Variants in FGD6 observed in about 807,000 individuals in gnomAD.
The protein encoded by FGD6 is FYVE, RhoGEF and PH domain containing 6.
A neutral mutation model predicts 149.4 loss-of-function variants in FGD6; 90 were observed. The ratio of observed to expected loss-of-function variants is 0.60; its 90% CI spans 0.51 to 0.72. The LOEUF (loss-of-function observed/expected upper bound fraction) is 0.72, where lower values mean the gene tolerates loss of function less well. FGD6 is among the 30% of genes least tolerant of loss of function. FGD6 has a pLI of 0.00. For missense variants in FGD6, 1,437 were observed against 1,684.8 expected (o/e 0.85, Z 2.57); for synonymous variants, 527 against 584.0 (o/e 0.90, Z 1.41).
intron 9 of FGD6, among the ~76,000 whole-genome samples, chr12:95,112,607 A>G (rs1878864763): frequency 6.6e-6 from 1 of 152,206 alleles, no homozygotes; most frequent in South Asian, 2.1e-4. Context: ...CTCAAACAAA[A>G]AAAGAACAAG....
intron 3 of FGD6, among the ~76,000 whole-genome samples, chr12:95,168,243 G>GTAAA (rs1174888179): frequency 6.6e-6 from 1 of 152,096 alleles, no homozygotes. Context: ...TACCTTACAT[G>GTAAA]TAAATAAGTT....
chr12:95,202,192 G>C, intron 2 of FGD6, among the ~76,000 whole-genome samples: 1 of 151,878 alleles, frequency 6.6e-6, no homozygotes, highest in East Asian at 1.9e-4. Flanking sequence ...TTCAATACCA[G>C]CCTGGCCAAC....
chr12:95,197,511 A>C (rs2136297297), intron 2 of FGD6, among the ~76,000 whole-genome samples: 1 of 152,272 alleles, frequency 6.6e-6, no homozygotes, highest in Admixed American at 6.5e-5. Context: ...TCTTCAACTA[A>C]TTAGAGGGAA....
At chr12:95,177,944 G>T (rs201525269) in intron 2 of FGD6, among the ~76,000 whole-genome samples, 4 of 55,180 alleles carry the variant, frequency 7.2e-5, no homozygotes, top group African/African-American at 1.7e-4. Flanking sequence ...TTTATTTATT[G>T]GTACAGACAG....
intron 3 of FGD6, among the ~76,000 whole-genome samples, chr12:95,168,331 T>G (rs1880885652): frequency 1.3e-5 from 2 of 152,140 alleles, no homozygotes; most frequent in African/African-American, 4.8e-5. Context: ...AAAGCTTGAT[T>G]TGAGATGTTT....
chr12:95,173,079 G>A (rs1380074839), intron 2 of FGD6, among the ~76,000 whole-genome samples: 2 of 152,146 alleles, frequency 1.3e-5, no homozygotes, highest in African/African-American at 4.8e-5. Flanking sequence ...AAGTGAGCTG[G>A]TTTACCATAA....
At chr12:95,115,568 T>C (rs1023589157) in intron 8 of FGD6, among the ~76,000 whole-genome samples, 5 of 152,148 alleles carry the variant, frequency 3.3e-5, no homozygotes, top group African/African-American at 1.2e-4. Context: ...TAGGATTGTA[T>C]TTTAGTTGAG....
intron 2 of FGD6, among the ~76,000 whole-genome samples, chr12:95,186,374 A>C (rs1190140414): frequency 6.8e-6 from 1 of 146,870 alleles, no homozygotes; most frequent in Admixed American, 6.9e-5. Flanking sequence ...TCAGCCTTCC[A>C]AGCAGTAGAG....
rs1229481452 is a variant in FGD6 at position 95,080,134 on chromosome 12, T to G, written c.*1386A>C. ...GACCGGCTAATTCTTGTATTTTTAATAGAGATGGGGTTTCACCATATTGGC... is the reference window on the plus strand; with the variant it reads ...GACCGGCTAATTCTTGTATTTTTAAGAGAGATGGGGTTTCACCATATTGGC... On this transcript the variant is annotated 3_prime_UTR_variant, in exon 21 of 21. Coordinates refer to ENST00000343958, the MANE Select transcript of FGD6 (RefSeq NM_018351.4). 1.3e-5 allele frequency: 2 copies of G among 152,010 alleles called. No homozygotes were observed. The highest frequency in any genetic ancestry group is 1.3e-4 in the Admixed American group (2 of 15,258). The allele number at this position is 152,010 out of a possible 1,614,324, so 9.4% of individuals were successfully genotyped here.
rs1473436027 is a variant in FGD6, at chr12:95,152,971, C to T, written c.2609G>A (p.Ser870Asn). Residue 870 changes from serine (S) to asparagine (N), a missense_variant, in exon 4 of 21, where the codon AGT (serine) becomes AAT (asparagine). By Grantham distance (46) the Ser-to-Asn change is conservative. This residue lies in a region of FGD6 where 1,055 missense variants were observed against 1,146.0 expected (regional missense o/e 0.92). Coordinates refer to ENST00000343958, the MANE Select transcript of FGD6 (RefSeq NM_018351.4). Reference sequence around the variant, plus strand: ...CTCCTTGGCAATATGATGAACTTTACTTTTCATTCCATTATCTTCATCCTG... The same window carrying T: ...CTCCTTGGCAATATGATGAACTTTATTTTTCATTCCATTATCTTCATCCTG... ...DKQDEDNGMKSKVHHIAKEIM... is the reference protein window; with the variant it reads ...DKQDEDNGMKNKVHHIAKEIM... 6.2e-7 allele frequency: 1 copy of T among 1,613,954 alleles called. No homozygotes were observed. The highest frequency in any genetic ancestry group is 1.7e-5 in the Admixed American group (1 of 60,026).
chr12:95,203,141 T>A (rs1592875774), intron 2 of FGD6, among the ~76,000 whole-genome samples: 2 of 152,208 alleles, frequency 1.3e-5, no homozygotes, highest in African/African-American at 4.8e-5. Flanking sequence ...ATTCAGCAGC[T>A]CTTCAAGACC....
chr12:95,190,263 G>A (rs558644604), intron 2 of FGD6, among the ~76,000 whole-genome samples: 1 of 152,286 alleles, frequency 6.6e-6, no homozygotes, highest in African/African-American at 2.4e-5. Flanking sequence ...TCCGCCTCCA[G>A]GGTTCAAGTG....
At chr12:95,198,661 G>A (rs894651483) in intron 2 of FGD6, among the ~76,000 whole-genome samples, 4 of 152,116 alleles carry the variant, frequency 2.6e-5, no homozygotes, top group Non-Finnish European at 5.9e-5. Context: ...GGATGTTCTC[G>A]ATCTGACCTC....
intron 8 of FGD6, among the ~76,000 whole-genome samples, chr12:95,121,487 A>G (rs1186946776): frequency 1.7e-4 from 24 of 142,276 alleles, no homozygotes; most frequent in Admixed American, 7.7e-4. Context: ...ATATGTATAT[A>G]TATATATATA....
chr12:95,141,169 G>A (rs1360307147), intron 6 of FGD6, among the ~76,000 whole-genome samples: 1 of 152,200 alleles, frequency 6.6e-6, no homozygotes, highest in Non-Finnish European at 1.5e-5. Context: ...GTTGCAGTGA[G>A]CCGAGATTGT....
chr12:95,092,955 T>C (rs766705069), intron 15 of FGD6, 110 bp from the exon 16 acceptor site: 135 of 1,255,106 alleles, frequency 1.1e-4, no homozygotes, highest in Non-Finnish European at 1.4e-4. Flanking sequence ...GCACAGCAGC[T>C]CACGCCTGTA....
At chr12:95,196,642 TTC>T (rs944687331) in intron 2 of FGD6, among the ~76,000 whole-genome samples, 20 of 149,988 alleles carry the variant, frequency 1.3e-4, no homozygotes, top group African/African-American at 4.9e-4. Flanking sequence ...GCCAATTTTT[TTC>T]TTTTTTTTTT....
Position 95,209,169 on chromosome 12 carries a change from CT to C in FGD6, c.2114del (p.Lys705ArgfsTer13). 6.2e-7 allele frequency: 1 copy of C among 1,614,138 alleles called. No homozygotes were observed. The highest frequency in any genetic ancestry group is 8.5e-7 in the Non-Finnish European group (1 of 1,180,020). ...NYSLESQKKR[K>X]KSRGQTSAAN... ...CTGCACTGGTCTGGCCCCGAGACTT[CT>C]TCCTCTTCTTTTGAGATTCCAGGCT... On this transcript the variant is annotated frameshift_variant, in exon 2 of 21. Coordinates refer to ENST00000343958, the MANE Select transcript of FGD6 (RefSeq NM_018351.4). LOFTEE classifies it high-confidence loss of function.
intron 17 of FGD6, 147 bp from the exon 18 acceptor site, chr12:95,089,843 G>A: frequency 9.9e-7 from 1 of 1,012,760 alleles, no homozygotes; most frequent in Non-Finnish European, 1.4e-6. Context: ...GACAATGGAT[G>A]GCTGGGAGTT....
Sources: allele counts gnomAD v4.1 joint callset (sites outside exome capture counted in the v4.1 genomes callset), GRCh38; gene constraint gnomAD v4.1.1; regional missense constraint gnomAD v4.1.1; transcripts MANE v1.5; gene names NCBI Gene and HGNC (gene_info 2026-07-23, HGNC 2026-07-21).